The following TRPM4 variants were observed in gnomAD, a reference collection of about 807,000 sequenced individuals.
The protein encoded by TRPM4 is calcium-activated non-selective cation channel 1.
A neutral mutation model predicts 135.6 loss-of-function variants in TRPM4; 124 were observed. That is an observed-to-expected ratio of 0.91 (90% CI 0.79 to 1.06). TRPM4 has a LOEUF of 1.06. Among genes scored for constraint, TRPM4 ranks in the 50% least tolerant of loss-of-function variants. TRPM4 has a pLI of 0.00. For missense variants in TRPM4, 1,658 were observed against 1,671.4 expected (o/e 0.99, Z 0.14); for synonymous variants, 745 against 705.6 (o/e 1.06, Z -0.88).
chr19:49,164,384 T>G (rs1325090455), intron 2 of TRPM4, among the ~76,000 whole-genome samples: 59 of 114,598 alleles, frequency 5.1e-4, no homozygotes, highest in African/African-American at 1.6e-3. Context: ...TTTTTTTTTT[T>G]TTTTTTTTTT....
In TRPM4 at chr19:49,168,684, C is replaced by A. The variant is rs1263490883; in HGVS notation, c.744C>A (p.Arg248=). The change falls in exon 6 of 25, where the codon CGC becomes CGA. Residue 248 remains arginine, a synonymous_variant. Transcript: ENST00000252826. The part of the protein sequence containing the change: ...GTHGCLGGEN[R]FRLRLESYIS... ...ACGGCTGCCTGGGGGGCGAGAACCGCTTCCGCTTGCGCCTGGAGTCCTACA... is the reference window on the plus strand; with the variant it reads ...ACGGCTGCCTGGGGGGCGAGAACCGATTCCGCTTGCGCCTGGAGTCCTACA... The A allele has an allele frequency of 6.2e-7, 1 of 1,610,966 alleles. No individual in the cohort carries two copies. The highest frequency in any genetic ancestry group is 1.7e-5 in the Admixed American group (1 of 59,574).
chr19:49,167,052 C>T (rs370646058), intron 3 of TRPM4, among the ~76,000 whole-genome samples: 1,631 of 149,160 alleles, frequency 0.011, 1 homozygote, highest in African/African-American at 0.034. Flanking sequence ...TTCCCCTTTA[C>T]TCTGGGTTTC....
rs189150605 is a variant in TRPM4 at position 49,190,543 on chromosome 19, G to A, written c.2133-153G>A. Among the ~76,000 whole-genome samples, 283 of 152,272 alleles carry A rather than the reference G, an allele frequency of 1.9e-3. 1 individual carries two copies. Among genetic ancestry groups the A allele is most frequent in the Non-Finnish European group, 2.7e-3 (187 of 68,026 alleles). On this transcript the variant is annotated intron_variant, in intron 15 of 24. Transcript: ENST00000252826. Reference sequence around the variant, plus strand: ...CAGTTACTCTGCCTTTCTGGCCATGGCTCTGGGGGAAGGTCCCTTTGGGAT... The same window carrying A: ...CAGTTACTCTGCCTTTCTGGCCATGACTCTGGGGGAAGGTCCCTTTGGGAT...
At chr19:49,204,865 ATT>A (rs764647375) in intron 20 of TRPM4, among the ~76,000 whole-genome samples, 6 of 104,414 alleles carry the variant, frequency 5.7e-5, no homozygotes, top group Admixed American at 3.0e-4. Flanking sequence ...CCCAGCGGCT[ATT>A]TTTTTTTTTT....
At position 49,183,091 on chromosome 19, in the gene TRPM4, C is replaced by G; in HGVS notation, c.1622C>G (p.Ser541Trp). ...QGFGESMYLLSDKATSPLSLD... is the reference protein window; with the variant it reads ...QGFGESMYLLWDKATSPLSLD... Reference sequence around the variant, plus strand: ...TTTTGCTGGCAGATGTATCTGCTCTCGGACAAGGCCACCTCGCCGCTCTCG... The same window carrying G: ...TTTTGCTGGCAGATGTATCTGCTCTGGGACAAGGCCACCTCGCCGCTCTCG... Residue 541 changes from serine (S) to tryptophan (W), a missense_variant, in exon 12 of 25, where the codon TCG (serine) becomes TGG (tryptophan). Ser to Trp is a radical substitution (Grantham distance 177). Coordinates refer to ENST00000252826, the MANE Select transcript of TRPM4 (RefSeq NM_017636.4). 1 of 1,612,634 alleles carries G rather than the reference C, an allele frequency of 6.2e-7. No individual in the cohort carries two copies. Among genetic ancestry groups the G allele is most frequent in the Non-Finnish European group, 8.5e-7 (1 of 1,180,008 alleles).
chr19:49,167,292 TCTCCGGGTCTCTGTTTCCCCTTTA>T, intron 3 of TRPM4, among the ~76,000 whole-genome samples: 1 of 136,528 alleles, frequency 7.3e-6, no homozygotes, highest in South Asian at 2.6e-4. Flanking sequence ...TGTCCCCGTC[TCTCCGGGTCTCTGTTTCCCCTTTA>T]CTCTGGGTTT....
chr19:49,196,718 G>A lies in TRPM4; in HGVS notation c.2489G>A (p.Arg830His), dbSNP rs34110639. Reference protein sequence around the residue: ...WAFTLLCEELRQGLSGGGGSL... With the variant: ...WAFTLLCEELHQGLSGGGGSL... Reference sequence around the variant, plus strand: ...TTCACGCTGCTGTGCGAGGAACTGCGCCAGGGCCTGAGCGGAGGCGGGGGC... The same window carrying A: ...TTCACGCTGCTGTGCGAGGAACTGCACCAGGGCCTGAGCGGAGGCGGGGGC... Residue 830 changes from arginine to histidine, a missense_variant, in exon 17 of 25, where the codon CGC becomes CAC. Arg to His is a conservative substitution (Grantham distance 29). Transcript: ENST00000252826. 6.4e-7 allele frequency: 1 copy of A among 1,552,756 alleles called. No individual in the cohort carries two copies.
chr19:49,184,534 C>T (rs1313918963), intron 12 of TRPM4, among the ~76,000 whole-genome samples: 3 of 141,524 alleles, frequency 2.1e-5, no homozygotes, highest in Admixed American at 7.4e-5. Flanking sequence ...AATCTCCGCT[C>T]ACTGCAAGCT....
At chr19:49,200,504 T>A (rs1568488839) in intron 18 of TRPM4, 72 bp downstream of exon 18, 2 of 1,577,576 alleles carry the variant, frequency 1.3e-6, no homozygotes, top group Non-Finnish European at 1.7e-6. Context: ...GAGTGGTCCG[T>A]GGAGAAGGGG....
At chr19:49,178,110 C>T (rs1028869925) in intron 9 of TRPM4, among the ~76,000 whole-genome samples, 5 of 152,146 alleles carry the variant, frequency 3.3e-5, no homozygotes, top group South Asian at 2.1e-4. Context: ...GAAGGAGGTT[C>T]GCTTGAGCCC....
At chr19:49,182,216 TCATC>T (rs530965721) in intron 10 of TRPM4, among the ~76,000 whole-genome samples, 1,451 of 97,242 alleles carry the variant, frequency 0.015, 55 homozygotes, top group African/African-American at 0.059. Context: ...ACCTATCCAT[TCATC>T]CATCCATCCA....
intron 9 of TRPM4, among the ~76,000 whole-genome samples, chr19:49,177,474 C>G (rs898115834): frequency 1.1e-4 from 16 of 151,826 alleles, no homozygotes; most frequent in Admixed American, 9.8e-4. Context: ...ACTACAGGCA[C>G]CTGCCACTAT....
chr19:49,196,518 C>CG lies in TRPM4; in HGVS notation c.2295dup (p.Arg766AlafsTer193), dbSNP rs748307155. ...GTCCGGGTTGCTGCGGGGGCCGCTG[C>CG]GGGGGGCGCCGGTGCCTACGCCGCT... On this transcript the variant is annotated frameshift_variant, in exon 17 of 25. Transcript: ENST00000252826. LOFTEE classifies it high-confidence loss of function. 6.6e-5 allele frequency: 102 copies of CG among 1,550,476 alleles called. No homozygotes were observed. Among genetic ancestry groups the CG allele is most frequent in the Non-Finnish European group, 8.6e-5 (99 of 1,153,324 alleles).
At chr19:49,166,948 C>CTGTT (rs1286697841) in intron 3 of TRPM4, among the ~76,000 whole-genome samples, 1 of 149,398 alleles carries the variant, frequency 6.7e-6, no homozygotes, top group Non-Finnish European at 1.5e-5. Context: ...CTCCGGGTCT[C>CTGTT]TGTTTCCCCT....
chr19:49,177,503 T>G (rs894924633), intron 9 of TRPM4, among the ~76,000 whole-genome samples: 2 of 151,804 alleles, frequency 1.3e-5, no homozygotes, highest in South Asian at 4.2e-4. Flanking sequence ...AATGTTTGTA[T>G]TTTTAGTAGA....
In TRPM4 at chr19:49,211,213, G is replaced by C. The variant is rs1295618759; in HGVS notation, c.3584G>C (p.Arg1195Pro). The change falls in exon 24 of 25, where the codon CGC becomes CCC. Residue 1195 changes from arginine (R) to proline (P), a missense_variant. By Grantham distance (103) the Arg-to-Pro change is moderately radical. Around this residue, in one of 3 missense-constraint regions of TRPM4, gnomAD observed 1,412 missense variants for 1,408.7 expected, o/e 1.00. Coordinates refer to ENST00000252826, the MANE Select transcript of TRPM4 (RefSeq NM_017636.4). The surrounding 1 kb of genome is among the most constrained non-coding windows in gnomAD (Gnocchi z 4.8). ...VLGWVAEALS[R>P]SALLPPGGPP... ...GGGTGGGTGGCCGAGGCCCTGAGCC[G>C]CTCTGCCTTGCTGCCCCCAGGTGGG... 1.3e-6 allele frequency: 2 copies of C among 1,598,162 alleles called. No individual in the cohort carries two copies. The highest frequency in any genetic ancestry group is 1.3e-5 in the African/African-American group (1 of 74,728).
At chr19:49,193,959 T>TTCCTACTCATCCTCC (rs544074509) in intron 16 of TRPM4, among the ~76,000 whole-genome samples, 8 of 133,074 alleles carry the variant, frequency 6.0e-5, no homozygotes, top group Non-Finnish European at 1.1e-4. Context: ...TCTCCTCCTC[T>TTCCTACTCATCCTCC]TCCTACTCAT....
At position 49,171,386 on chromosome 19, in the gene TRPM4, C is replaced by A; in HGVS notation, c.826C>A (p.Leu276Ile). The A allele has an allele frequency of 1.2e-6, 2 of 1,614,084 alleles. No individual in the cohort carries two copies. Among genetic ancestry groups the A allele is most frequent in the Non-Finnish European group, 1.7e-6 (2 of 1,180,026 alleles). The change falls in exon 7 of 25, where the codon CTC becomes ATC. Residue 276 changes from leucine (L) to isoleucine (I), a missense_variant. By Grantham distance (5) the Leu-to-Ile change is conservative. Transcript: ENST00000252826. This position sits in a 1 kb window ranked among gnomAD's most constrained non-coding sequence, Gnocchi z 4.7. ...TGGAATTGACATCCCTGTCCTGCTC[C>A]TCCTGATTGATGGTGATGAGAAGAT... ...GTGIDIPVLL[L>I]LIDGDEKMLT...
chr19:49,182,389 CATCT>C (rs1265459379), intron 10 of TRPM4, 185 bp from the exon 11 acceptor site: 4 of 638,376 alleles, frequency 6.3e-6, no homozygotes, highest in African/African-American at 1.8e-5. Flanking sequence ...TCCATCCATC[CATCT>C]GCCCATCCAT....
Sources: allele counts gnomAD v4.1 joint callset (sites outside exome capture counted in the v4.1 genomes callset), GRCh38; gene constraint gnomAD v4.1.1; regional missense constraint gnomAD v4.1.1; non-coding constraint Gnocchi (gnomAD v3.1); transcripts MANE v1.5; gene names NCBI Gene and HGNC (gene_info 2026-07-23, HGNC 2026-07-21).